ECE1: variants seen among roughly 807,000 people sequenced by gnomAD.
ECE1 encodes endothelin-converting enzyme 1.
In ECE1, 35 loss-of-function variants were observed where a neutral mutation model predicts 98.6. The ratio of observed to expected loss-of-function variants is 0.35; its 90% CI spans 0.27 to 0.47. ECE1 has a LOEUF of 0.47. ECE1 is among the 20% of genes least tolerant of loss of function. ECE1 has a pLI of 1.00. For missense variants in ECE1, 814 were observed against 1,025.3 expected (o/e 0.79, Z 2.81); for synonymous variants, 394 against 407.1 (o/e 0.97, Z 0.39).
chr1:21,319,143 G>A lies in ECE1; in HGVS notation c.3+26233C>T, dbSNP rs193172349. ...GTGGATTGCCTGAGCTTAGGAGTTC[G>A]AGACCAGCTTGGGCAACATGGTGAA... On this transcript the variant is annotated intron_variant, in intron 1 of 18. Coordinates refer to the ECE1 transcript ENST00000415912. The surrounding 1 kb of genome is among the most constrained non-coding windows in gnomAD (Gnocchi z 4.4). Among the ~76,000 whole-genome samples, 1 of 152,116 alleles carries A rather than the reference G, an allele frequency of 6.6e-6. No individual in the cohort carries two copies. The highest frequency in any genetic ancestry group is 1.5e-5 in the Non-Finnish European group (1 of 68,024).
chr1:21,277,787 C>T (rs1163822431), intron 3 of ECE1, among the ~76,000 whole-genome samples: 1 of 152,208 alleles, frequency 6.6e-6, no homozygotes, highest in Non-Finnish European at 1.5e-5. Flanking sequence ...ATGCATTAAG[C>T]ACCTGCTGAG....
intron 18 of ECE1, 47 bp downstream of exon 18, chr1:21,221,700 A>C (rs745328898): frequency 1.3e-6 from 2 of 1,593,826 alleles, no homozygotes; most frequent in South Asian, 1.1e-5. Context: ...TGAAACATCA[A>C]GATGGCAGAA....
intron 1 of ECE1, among the ~76,000 whole-genome samples, chr1:21,316,657 C>T (rs1638838966): frequency 6.6e-6 from 1 of 152,132 alleles, no homozygotes; most frequent in South Asian, 2.1e-4. Context: ...ATGGAAGTCC[C>T]ACACAGCATG....
chr1:21,298,478 G>T, intron 1 of ECE1: 1 of 316,370 alleles, frequency 3.2e-6, no homozygotes, highest in South Asian at 2.6e-5. Context: ...TTCCACGGAC[G>T]TGAATGGAGA....
upstream of ECE1, among the ~76,000 whole-genome samples, chr1:21,291,891 G>GC (rs2098266896): frequency 6.6e-6 from 1 of 151,834 alleles, no homozygotes; most frequent in East Asian, 1.9e-4. Flanking sequence ...CAGCACTTTG[G>GC]GAGGCTGAGG....
chr1:21,285,514 C>A (rs2098259490), intron 2 of ECE1, among the ~76,000 whole-genome samples: 1 of 151,992 alleles, frequency 6.6e-6, no homozygotes, highest in Non-Finnish European at 1.5e-5. Flanking sequence ...GCGGGCTTGT[C>A]CCTGAAATCA....
At chr1:21,300,953 C>T (rs1016677274) in intron 1 of ECE1, among the ~76,000 whole-genome samples, 2 of 152,150 alleles carry the variant, frequency 1.3e-5, no homozygotes, top group African/African-American at 4.8e-5. Context: ...GTGTTTGCTG[C>T]TCTTGGGTTT....
intron 15 of ECE1, among the ~76,000 whole-genome samples, chr1:21,227,441 T>A (rs1277650392): frequency 6.6e-6 from 1 of 152,200 alleles, no homozygotes; most frequent in Non-Finnish European, 1.5e-5. Flanking sequence ...CTGTGCCTAT[T>A]GGGCACCATG....
At chr1:21,289,248 G>C (rs2098263817) in intron 2 of ECE1, among the ~76,000 whole-genome samples, 2 of 152,158 alleles carry the variant, frequency 1.3e-5, no homozygotes, top group Admixed American at 6.5e-5. Flanking sequence ...TCAAGAGCCA[G>C]ATCACTGGGT....
In ECE1 at chr1:21,220,363, G is replaced by C. The variant is rs1251234781; in HGVS notation, c.2137-232C>G. 6.6e-6 allele frequency among the ~76,000 whole-genome samples: 1 copy of C among 152,144 alleles called. No homozygotes were observed. The highest frequency in any genetic ancestry group is 2.4e-5 in the African/African-American group (1 of 41,438). The stretch of plus-strand genomic sequence containing the variant: ...TTAAAAAAAAAATTAACCAGGGATG[G>C]TGGTGTACACCTATGGTCCCAGCTC... On this transcript the variant is annotated intron_variant, in intron 18 of 18. Transcript: ENST00000374893. This position sits in a 1 kb window ranked among gnomAD's most constrained non-coding sequence, Gnocchi z 5.0.
At chr1:21,279,378 G>A (rs765410232) in intron 2 of ECE1, 46 bp from the exon 3 acceptor site, 4 of 1,613,514 alleles carry the variant, frequency 2.5e-6, no homozygotes, top group South Asian at 2.2e-5. Flanking sequence ...TGAGCCCCGG[G>A]CCCCGCTTCC....
At chr1:21,289,745 CTG>C (rs2098264392) in intron 2 of ECE1, among the ~76,000 whole-genome samples, 2 of 151,998 alleles carry the variant, frequency 1.3e-5, no homozygotes, top group African/African-American at 2.4e-5. Flanking sequence ...CATGCACAAA[CTG>C]TGCCTTCTGT....
At chr1:21,321,155 C>T (rs944715888) in intron 1 of ECE1, among the ~76,000 whole-genome samples, 3 of 152,178 alleles carry the variant, frequency 2.0e-5, no homozygotes, top group Non-Finnish European at 4.4e-5. Flanking sequence ...TAGTGCGTGG[C>T]GGAGCTGGGG....
chr1:21,269,802 A>T (rs990309180), intron 4 of ECE1, among the ~76,000 whole-genome samples: 1 of 152,204 alleles, frequency 6.6e-6, no homozygotes, highest in Non-Finnish European at 1.5e-5. Flanking sequence ...GTCCAAGGCC[A>T]CACGAGTGAT....
chr1:21,343,589 C>T (rs1284068044), intron 1 of ECE1, among the ~76,000 whole-genome samples: 5 of 152,212 alleles, frequency 3.3e-5, no homozygotes, highest in Non-Finnish European at 7.3e-5. Context: ...GTTATCTCAC[C>T]CTTTGGAGGT....
intron 3 of ECE1, among the ~76,000 whole-genome samples, chr1:21,278,079 T>C (rs1466818719): frequency 1.3e-5 from 2 of 151,972 alleles, no homozygotes; most frequent in Non-Finnish European, 2.9e-5. Context: ...GCTCCTAATC[T>C]CTCTCATGGG....
chr1:21,277,982 C>T (rs1227365842), intron 3 of ECE1, among the ~76,000 whole-genome samples: 1 of 152,152 alleles, frequency 6.6e-6, no homozygotes, highest in Non-Finnish European at 1.5e-5. Context: ...CCCACCCCAG[C>T]GCAGCGTGGC....
intron 4 of ECE1, among the ~76,000 whole-genome samples, chr1:21,264,975 C>CG (rs898067702): frequency 1.3e-5 from 2 of 152,298 alleles, no homozygotes; most frequent in African/African-American, 4.8e-5. Flanking sequence ...CAGCTACAAT[C>CG]GCCTCTTCCC....
chr1:21,238,418 C>CACTCCCACCCCCTGCCATT lies in ECE1; in HGVS notation c.1279-193_1279-175dup, dbSNP rs1338108824. 1.2e-5 allele frequency: 8 copies of CACTCCCACCCCCTGCCATT among 656,632 alleles called. No individual in the cohort carries two copies. In the African/African-American group the frequency reaches 1.4e-4, roughly 12 times the overall value. 40.7% of individuals were successfully genotyped at this position (656,632 alleles called of 1,614,324 possible). Reference sequence around the variant, plus strand: ...CGGACCAAGAGGCCACTGATACCCTCACTCCCACCCCCTGCCATTTCCTGA... The same window carrying CACTCCCACCCCCTGCCATT: ...CGGACCAAGAGGCCACTGATACCCTCACTCCCACCCCCTGCCATTACTCCCACCCCCTGCCATTTCCTGA... On this transcript the variant is annotated intron_variant, in intron 10 of 18. Coordinates refer to ENST00000374893, the MANE Select transcript of ECE1 (RefSeq NM_001397.3).
Sources: allele counts gnomAD v4.1 joint callset (sites outside exome capture counted in the v4.1 genomes callset), GRCh38; gene constraint gnomAD v4.1.1; non-coding constraint Gnocchi (gnomAD v3.1); transcripts MANE v1.5; gene names NCBI Gene and HGNC (gene_info 2026-07-23, HGNC 2026-07-21).